Variants in SOX6 observed in about 807,000 individuals in gnomAD.
SOX6 encodes SRY-box transcription factor 6.
Under a neutral mutation model 97.8 loss-of-function variants are expected in SOX6, and 11 were observed. The ratio of observed to expected loss-of-function variants is 0.11; its 90% CI spans 0.07 to 0.19. SOX6 has a LOEUF of 0.19. SOX6 is among the 10% of genes least tolerant of loss of function. The pLI, the probability that SOX6 is intolerant of heterozygous loss-of-function variation, is 1.00. For missense variants in SOX6, 810 were observed against 1,039.5 expected (o/e 0.78, Z 3.04); for synonymous variants, 360 against 371.4 (o/e 0.97, Z 0.35).
chr11:16,565,463 C>T (rs961973130), intron 4 of SOX6, among the ~76,000 whole-genome samples: 19 of 151,142 alleles, frequency 1.3e-4, no homozygotes, highest in African/African-American at 4.6e-4. Context: ...AACCTGATAA[C>T]AAAACCATAC....
chr11:16,237,859 C>T (rs1949481), intron 3 of SOX6, among the ~76,000 whole-genome samples: 74,829 of 151,724 alleles, frequency 0.49, 19,166 homozygotes, highest in Non-Finnish European at 0.54. Context: ...AGTTTAATGT[C>T]TTTAAGTTGT....
rs548621620 is a variant in SOX6, at chr11:16,099,826, C to T, written c.899-2138G>A. ...CAAACAGCTTTCTTTCCACTGCTGA[C>T]AGGCATATTTTAAAAACATTTTTAA... On this transcript the variant is annotated intron_variant, in intron 7 of 15. Coordinates refer to ENST00000683767, the MANE Select transcript of SOX6 (RefSeq NM_001367873.1). 3.0e-4 allele frequency among the ~76,000 whole-genome samples: 46 copies of T among 151,608 alleles called. 1 individual carries two copies. The South Asian group carries it at 9.1e-3, about 30-fold the overall frequency.
intron 6 of SOX6, among the ~76,000 whole-genome samples, chr11:16,130,298 A>G (rs930441791): frequency 5.3e-5 from 8 of 152,016 alleles, no homozygotes; most frequent in Non-Finnish European, 1.0e-4. Context: ...TATAGTTAAT[A>G]TTGTATTGTA....
At chr11:16,606,415 C>A (rs1307231358) in intron 4 of SOX6, among the ~76,000 whole-genome samples, 1 of 152,126 alleles carries the variant, frequency 6.6e-6, no homozygotes, top group Non-Finnish European at 1.5e-5. Context: ...TACCGCCTAG[C>A]GGTCCCATCT....
intron 3 of SOX6, among the ~76,000 whole-genome samples, chr11:16,712,122 C>CACACACA (rs1217281813): frequency 6.9e-6 from 1 of 145,578 alleles, no homozygotes; most frequent in African/African-American, 2.5e-5. Flanking sequence ...CACACACACA[C>CACACACA]CACAGTTTCT....
At chr11:16,336,183 C>A (rs1187863362) in intron 2 of SOX6, among the ~76,000 whole-genome samples, 1 of 152,130 alleles carries the variant, frequency 6.6e-6, no homozygotes, top group East Asian at 1.9e-4. Context: ...TTCCCACTTA[C>A]AATCATCACA....
At chr11:16,214,860 C>T (rs948736149) in intron 4 of SOX6, among the ~76,000 whole-genome samples, 1 of 151,580 alleles carries the variant, frequency 6.6e-6, no homozygotes, top group Non-Finnish European at 1.5e-5. Context: ...AGCAATTCTC[C>T]TGCCTCAGCC....
chr11:16,580,041 A>T (rs77886693), intron 4 of SOX6, among the ~76,000 whole-genome samples: 4,230 of 152,212 alleles, frequency 0.028, 95 homozygotes, highest in South Asian at 0.14. Context: ...CAGAATATAT[A>T]TTATCCTTCT....
intron 6 of SOX6, among the ~76,000 whole-genome samples, chr11:16,127,053 C>A (rs1849627734): frequency 6.6e-6 from 1 of 152,008 alleles, no homozygotes; most frequent in Non-Finnish European, 1.5e-5. Context: ...CAACCTCTTT[C>A]AATATTTATT....
intron 3 of SOX6, among the ~76,000 whole-genome samples, chr11:16,278,324 C>G (rs1321862147): frequency 6.6e-6 from 1 of 152,068 alleles, no homozygotes; most frequent in Non-Finnish European, 1.5e-5. Context: ...AAGTTAAAAA[C>G]AAATGTTTCA....
At chr11:16,383,342 A>G (rs1857885354) in intron 1 of SOX6, among the ~76,000 whole-genome samples, 1 of 151,946 alleles carries the variant, frequency 6.6e-6, no homozygotes, top group Non-Finnish European at 1.5e-5. Flanking sequence ...AATACATTAA[A>G]GCTTATTTAG....
At chr11:16,423,681 GA>G (rs1015258969) in intron 1 of SOX6, among the ~76,000 whole-genome samples, 23 of 152,230 alleles carry the variant, frequency 1.5e-4, no homozygotes, top group African/African-American at 5.1e-4. Flanking sequence ...TGCTGAATTT[GA>G]AGTGACAATG....
rs1011702609 is a variant in SOX6 at position 16,535,674 on chromosome 11, C to CA, written n.610-59287dup. Reference sequence around the variant, plus strand: ...GTAAAAGGGTGAGACCCTGTCTTAACAAAAAAAAACAAAAACAAACCAAAA... The same window carrying CA: ...GTAAAAGGGTGAGACCCTGTCTTAACAAAAAAAAAACAAAAACAAACCAAAA... On this transcript the variant is annotated intron_variant and non_coding_transcript_variant, in intron 4 of 5. Coordinates refer to the SOX6 transcript ENST00000524520. Among the ~76,000 whole-genome samples the CA allele has an allele frequency of 5.3e-4, 78 of 148,514 alleles. 1 individual carries two copies. Among genetic ancestry groups the CA allele is most frequent in the African/African-American group, 9.4e-4 (38 of 40,416 alleles).
intron 2 of SOX6, among the ~76,000 whole-genome samples, chr11:16,340,248 T>C (rs921206817): frequency 2.0e-5 from 3 of 152,114 alleles, no homozygotes; most frequent in African/African-American, 4.8e-5. Context: ...GATTAAGAAA[T>C]GCAAAATGGG....
chr11:16,398,526 C>T (rs10832603), intron 1 of SOX6, among the ~76,000 whole-genome samples: 31,679 of 151,120 alleles, frequency 0.21, 3,538 homozygotes, highest in Admixed American at 0.32. Flanking sequence ...ATTAGCTAAA[C>T]GGTTGGACAA....
intron 7 of SOX6, among the ~76,000 whole-genome samples, chr11:16,105,258 T>C (rs1242859556): frequency 6.6e-6 from 1 of 151,368 alleles, no homozygotes; most frequent in Non-Finnish European, 1.5e-5. Flanking sequence ...ATTACATTAA[T>C]AGAACAAAGG....
At chr11:16,078,080 A>G (rs528877783) in intron 9 of SOX6, among the ~76,000 whole-genome samples, 8 of 152,354 alleles carry the variant, frequency 5.3e-5, no homozygotes, top group Admixed American at 2.0e-4. Flanking sequence ...AACAATTTGT[A>G]ATTTAGTTCT....
upstream of SOX6, among the ~76,000 whole-genome samples, chr11:16,359,805 C>CTAATGG (rs1335694938): frequency 6.6e-6 from 1 of 152,128 alleles, no homozygotes; most frequent in East Asian, 1.9e-4. Context: ...AACCTAATGG[C>CTAATGG]TAATGGTACT....
rs1024469585 is a variant in SOX6 at position 16,521,205 on chromosome 11, C to T, written n.610-44817G>A. On this transcript the variant is annotated intron_variant and non_coding_transcript_variant, in intron 4 of 5. Coordinates refer to the SOX6 transcript ENST00000524520. Reference sequence around the variant, plus strand: ...AAGTGGGTCCCTGACCCCTGAACCCCGAGCAGCCTAACTGGGAGGCACCCC... The same window carrying T: ...AAGTGGGTCCCTGACCCCTGAACCCTGAGCAGCCTAACTGGGAGGCACCCC... 1.2e-4 allele frequency among the ~76,000 whole-genome samples: 18 copies of T among 152,288 alleles called. 1 individual carries two copies. Among genetic ancestry groups the T allele is most frequent in the Admixed American group, 9.2e-4 (14 of 15,296 alleles).
Sources: allele counts gnomAD v4.1 joint callset (sites outside exome capture counted in the v4.1 genomes callset), GRCh38; gene constraint gnomAD v4.1.1; transcripts MANE v1.5; gene names NCBI Gene and HGNC (gene_info 2026-07-23, HGNC 2026-07-21).